Variants in LIMCH1 observed in about 807,000 individuals in gnomAD.
LIMCH1 encodes LIM and calponin homology domains 1.
Under a neutral mutation model 176.5 loss-of-function variants are expected in LIMCH1, and 113 were observed. The ratio of observed to expected loss-of-function variants is 0.64; its 90% CI spans 0.55 to 0.75. The LOEUF is 0.75. LIMCH1 is among the 30% of genes least tolerant of loss of function. LIMCH1 has a pLI of 0.00. For missense variants in LIMCH1, 1,674 were observed against 1,814.9 expected (o/e 0.92, Z 1.41); for synonymous variants, 619 against 645.9 (o/e 0.96, Z 0.63).
At chr4:41,447,693 T>G (rs143875036) in intron 1 of LIMCH1, among the ~76,000 whole-genome samples, 1 of 152,358 alleles carries the variant, frequency 6.6e-6, no homozygotes, top group Non-Finnish European at 1.5e-5. Context: ...GACAAATGTC[T>G]GTCTGTCTTA....
chr4:41,538,590 G>A (rs1443704254), intron 1 of LIMCH1, among the ~76,000 whole-genome samples: 1 of 143,332 alleles, frequency 7.0e-6, no homozygotes. Context: ...GGAAAGCATT[G>A]TTTTTTATTT....
At chr4:41,589,956 C>G (rs2087200697) in intron 1 of LIMCH1, among the ~76,000 whole-genome samples, 1 of 152,198 alleles carries the variant, frequency 6.6e-6, no homozygotes, top group Admixed American at 6.5e-5. Context: ...TGTCTAAAAA[C>G]CATGGCATTA....
intron 1 of LIMCH1, among the ~76,000 whole-genome samples, chr4:41,395,490 G>A (rs1165649395): frequency 2.0e-5 from 3 of 149,358 alleles, no homozygotes; most frequent in Non-Finnish European, 4.4e-5. Flanking sequence ...TGATCCGCCC[G>A]CCTTGGCCTC....
chr4:41,432,318 T>C (rs1411043733), intron 1 of LIMCH1, among the ~76,000 whole-genome samples: 1 of 152,214 alleles, frequency 6.6e-6, no homozygotes, highest in Non-Finnish European at 1.5e-5. Context: ...CTTTAAAATA[T>C]GAGTGTGTTG....
chr4:41,621,244 C>T (rs752007531), intron 7 of LIMCH1, among the ~76,000 whole-genome samples: 4 of 152,154 alleles, frequency 2.6e-5, no homozygotes, highest in Non-Finnish European at 5.9e-5. Context: ...GTAATTACTT[C>T]TCTTTAATTG....
At chr4:41,658,177 G>A (rs1339415948) in intron 18 of LIMCH1, among the ~76,000 whole-genome samples, 2 of 152,184 alleles carry the variant, frequency 1.3e-5, no homozygotes, top group Admixed American at 6.5e-5. Context: ...TCACTTGTAT[G>A]AAGGGAATCA....
At chr4:41,417,000 T>G (rs968820273) in intron 1 of LIMCH1, among the ~76,000 whole-genome samples, 2 of 152,206 alleles carry the variant, frequency 1.3e-5, no homozygotes, top group Non-Finnish European at 2.9e-5. Flanking sequence ...CATGTGCAAC[T>G]GGTCATTTCT....
chr4:41,366,729 G>A (rs2053052544), intron 1 of LIMCH1, among the ~76,000 whole-genome samples: 1 of 152,178 alleles, frequency 6.6e-6, no homozygotes, highest in Non-Finnish European at 1.5e-5. Flanking sequence ...ATATTTCAAG[G>A]AGGAATGATG....
intron 7 of LIMCH1, among the ~76,000 whole-genome samples, chr4:41,622,941 G>A (rs2092689700): frequency 6.6e-6 from 1 of 152,144 alleles, no homozygotes; most frequent in African/African-American, 2.4e-5. Context: ...ACACAACACA[G>A]CTGCTCCAAA....
At chr4:41,692,613 C>T in intron 31 of LIMCH1, 2 of 429,190 alleles carry the variant, frequency 4.7e-6, no homozygotes, top group Admixed American at 7.4e-5. Context: ...CATCAGCACA[C>T]CAGCAGGTCA....
rs2061386547 is a variant in LIMCH1 at position 41,429,228 on chromosome 4, CA to C, written c.97-65307del. 2.0e-5 allele frequency among the ~76,000 whole-genome samples: 3 copies of C among 152,260 alleles called. No individual in the cohort carries two copies. In the South Asian group the frequency reaches 6.2e-4, roughly 32 times the overall value. ...TTTGTTTTTTGGTTTGCTTTATTCT[CA>C]TTTTTTCCCTTGGGCTCTTTAAGTA... On this transcript the variant is annotated intron_variant, in intron 1 of 26. Coordinates refer to the LIMCH1 transcript ENST00000313860.
intron 1 of LIMCH1, among the ~76,000 whole-genome samples, chr4:41,370,441 G>T (rs572192433): frequency 2.6e-5 from 4 of 152,140 alleles, no homozygotes; most frequent in South Asian, 4.2e-4. Flanking sequence ...TCAATAAATG[G>T]CCACGGCTGT....
At chr4:41,682,495 C>T (rs1170284525) in intron 26 of LIMCH1, 35 bp downstream of exon 26, 2 of 1,601,708 alleles carry the variant, frequency 1.2e-6, no homozygotes, top group Non-Finnish European at 1.7e-6. Flanking sequence ...TGAAAATGTA[C>T]AAAGCTGGGC....
chr4:41,626,607 A>T, intron 7 of LIMCH1, 101 bp from the exon 8 acceptor site: 1 of 937,184 alleles, frequency 1.1e-6, no homozygotes, highest in Non-Finnish European at 1.6e-6. Flanking sequence ...AACAATATCG[A>T]GAAGACTTTT....
At chr4:41,684,283 C>A in intron 26 of LIMCH1, 114 bp from the exon 27 acceptor site, 1 of 769,082 alleles carries the variant, frequency 1.3e-6, no homozygotes, top group South Asian at 3.2e-5. Context: ...ATAAAGAGTC[C>A]CATCTCTTTT....
chr4:41,388,608 G>A lies in LIMCH1; in HGVS notation c.96+27672G>A, dbSNP rs180731627. ...ACTTATGGAATTGGACTTTTACAAT[G>A]GGTGAATTTTGCAGTATGCAGGCTA... is the stretch of plus-strand genomic sequence containing the variant. On this transcript the variant is annotated intron_variant, in intron 1 of 26. Transcript: ENST00000313860. Among the ~76,000 whole-genome samples the A allele has an allele frequency of 6.6e-3, 1,003 of 152,256 alleles. 12 individuals are homozygous for A. Among genetic ancestry groups the A allele is most frequent in the African/African-American group, 0.023 (968 of 41,526 alleles).
At chr4:41,546,568 G>A (rs1198983372) in intron 1 of LIMCH1, among the ~76,000 whole-genome samples, 1 of 150,890 alleles carries the variant, frequency 6.6e-6, no homozygotes, top group Non-Finnish European at 1.5e-5. Flanking sequence ...TTCTTTTTTA[G>A]CCCCATCATT....
chr4:41,629,360 A>G (rs1227169189), intron 8 of LIMCH1, 132 bp from the exon 9 acceptor site: 2 of 1,080,382 alleles, frequency 1.9e-6, no homozygotes, highest in African/African-American at 3.2e-5. Context: ...ATTTTTGAGA[A>G]AGAGAAAAGT....
chr4:41,614,000 T>C (rs1453487280), intron 5 of LIMCH1, among the ~76,000 whole-genome samples: 2 of 152,216 alleles, frequency 1.3e-5, no homozygotes, highest in African/African-American at 4.8e-5. Context: ...TTATATACTC[T>C]GGGCATGAGG....
Sources: allele counts gnomAD v4.1 joint callset (sites outside exome capture counted in the v4.1 genomes callset), GRCh38; gene constraint gnomAD v4.1.1; transcripts MANE v1.5; gene names NCBI Gene and HGNC (gene_info 2026-07-23, HGNC 2026-07-21).